The following GABRG3 variants were observed in gnomAD, a reference collection of about 807,000 sequenced individuals.
GABRG3 encodes gamma-aminobutyric acid receptor subunit gamma-3.
A neutral mutation model predicts 48.8 loss-of-function variants in GABRG3; 25 were observed. That is an observed-to-expected ratio of 0.51 (90% confidence interval 0.37 to 0.72). The LOEUF (loss-of-function observed/expected upper bound fraction) is 0.72, where lower values mean the gene tolerates loss of function less well. Among genes scored for constraint, GABRG3 ranks in the 30% least tolerant of loss-of-function variants. GABRG3 has a pLI of 0.00. For missense variants in GABRG3, 394 were observed against 577.9 expected, an observed-to-expected ratio of 0.68 and a Z score of 3.26; for synonymous variants, 227 against 217.6, an observed-to-expected ratio of 1.04 and a Z score of -0.38.
intron 5 of GABRG3, among the ~76,000 whole-genome samples, chr15:27,395,431 A>C (rs1304655902): frequency 1.3e-5 from 2 of 152,216 alleles, no homozygotes; most frequent in Non-Finnish European, 2.9e-5. Flanking sequence ...ATAATATCTA[A>C]AACAATTTTG....
intron 5 of GABRG3, among the ~76,000 whole-genome samples, chr15:27,334,289 C>T (rs1595684391): frequency 6.6e-6 from 1 of 151,638 alleles, no homozygotes; most frequent in South Asian, 2.1e-4. Context: ...CACACACATA[C>T]ACACACAGGC....
chr15:27,133,574 A>G (rs1381507390), intron 3 of GABRG3, among the ~76,000 whole-genome samples: 1 of 152,152 alleles, frequency 6.6e-6, no homozygotes, highest in African/African-American at 2.4e-5. Context: ...TCCTACTGAC[A>G]TGTTTTTATA....
intron 3 of GABRG3, among the ~76,000 whole-genome samples, chr15:27,206,689 G>A (rs374874675): frequency 1.3e-5 from 2 of 152,156 alleles, no homozygotes; most frequent in African/African-American, 4.8e-5. Context: ...TTATCTAAGT[G>A]ATTTTATTAG....
chr15:27,330,377 G>C (rs1404066334), intron 5 of GABRG3, among the ~76,000 whole-genome samples: 1 of 152,176 alleles, frequency 6.6e-6, no homozygotes, highest in Non-Finnish European at 1.5e-5. Context: ...TGTAAAATAT[G>C]TTCATCGCTT....
intron 3 of GABRG3, among the ~76,000 whole-genome samples, chr15:27,307,937 A>T (rs1051984829): frequency 7.2e-6 from 1 of 137,966 alleles, no homozygotes; most frequent in African/African-American, 2.6e-5. Context: ...ATGCTTGTAT[A>T]TAAACATATA....
intron 1 of GABRG3, among the ~76,000 whole-genome samples, chr15:26,972,680 G>A (rs989036585): frequency 6.6e-6 from 1 of 152,138 alleles, no homozygotes; most frequent in Non-Finnish European, 1.5e-5. Context: ...AGGAGGCCTT[G>A]CCTTTTCATT....
At chr15:27,235,662 G>A (rs573538479) in intron 3 of GABRG3, among the ~76,000 whole-genome samples, 1 of 152,236 alleles carries the variant, frequency 6.6e-6, no homozygotes, top group South Asian at 2.1e-4. Flanking sequence ...ACAAACAGAA[G>A]TTTATTGACA....
rs181548608 is a variant in GABRG3 at position 27,020,480 on chromosome 15, C to A, written c.203-6274C>A. On this transcript the variant is annotated intron_variant, in intron 2 of 9. Coordinates refer to ENST00000615808, the MANE Select transcript of GABRG3 (RefSeq NM_033223.5). ...AGGCTGGAGTGCAGTGGCGCTATCT[C>A]GGCTCACTGCAAGCTCCGCCTCCTG... Among the ~76,000 whole-genome samples, 325 of 152,298 alleles carry A rather than the reference C, an allele frequency of 2.1e-3. 2 individuals carry two copies. The highest frequency in any genetic ancestry group is 7.3e-3 in the African/African-American group (303 of 41,570).
intron 3 of GABRG3, among the ~76,000 whole-genome samples, chr15:27,056,353 C>CAAAAAAAAAAAAA (rs58665097): frequency 1.1e-4 from 6 of 57,064 alleles, no homozygotes; most frequent in Admixed American, 3.7e-4. Flanking sequence ...ACCCTGTCTC[C>CAAAAAAAAAAAAA]AAAAAAAAAA....
intron 3 of GABRG3, among the ~76,000 whole-genome samples, chr15:27,285,394 A>G (rs1308315851): frequency 6.6e-6 from 1 of 151,970 alleles, no homozygotes; most frequent in Non-Finnish European, 1.5e-5. Context: ...ACCGAGAGAG[A>G]GGAAAAGTCA....
rs564328097 is a variant in GABRG3 at position 27,308,587 on chromosome 15, T to C, written c.271-18222T>C. ...TATATAAACATAATGTAAACATACA[T>C]TTATATATAAACATAATGTAAACAT... On this transcript the variant is annotated intron_variant, in intron 3 of 9. Coordinates refer to ENST00000615808, the MANE Select transcript of GABRG3 (RefSeq NM_033223.5). Among the ~76,000 whole-genome samples the C allele has an allele frequency of 9.9e-3, 1,438 of 145,954 alleles. 19 individuals carry two copies. The highest frequency in any genetic ancestry group is 0.031 in the African/African-American group (1,282 of 40,870).
chr15:27,315,286 T>G (rs144107668), intron 3 of GABRG3, among the ~76,000 whole-genome samples: 1 of 152,340 alleles, frequency 6.6e-6, no homozygotes, highest in African/African-American at 2.4e-5. Flanking sequence ...TTGTGCTGAG[T>G]GCTTACTTTA....
rs1566773256 is a variant in GABRG3, at chr15:27,308,167, TATGTTTATATATCCAAACATATATAAAC to T, written c.271-18583_271-18556del. 1.9e-4 allele frequency among the ~76,000 whole-genome samples: 4 copies of T among 21,286 alleles called. 1 individual carries two copies. The highest frequency in any genetic ancestry group is 3.6e-4 in the Non-Finnish European group (4 of 11,164). 14.0% of individuals were successfully genotyped at this position (21,286 alleles called of 152,430 possible). ...ATACATCCAAACATATATAAACATA[TATGTTTATATATCCAAACATATATAAAC>T]ATGTTTATATATCCAAACATATATA... On this transcript the variant is annotated intron_variant, in intron 3 of 9. Transcript: ENST00000615808.
chr15:26,983,757 G>C (rs1311800101), intron 2 of GABRG3, among the ~76,000 whole-genome samples: 1 of 152,148 alleles, frequency 6.6e-6, no homozygotes, highest in Admixed American at 6.5e-5. Flanking sequence ...CTGGTAGATG[G>C]TGCAAGAACC....
In GABRG3 at chr15:27,536,855, A is replaced by G. The variant is rs1243044565; in HGVS notation, c.*3974A>G. 1 of 152,188 alleles carries G rather than the reference A, an allele frequency of 6.6e-6. No individual in the cohort carries two copies. The highest frequency in any genetic ancestry group is 1.9e-4 in the East Asian group (1 of 5,200). The allele number at this position is 152,188 out of a possible 1,614,324, so 9.4% of individuals were successfully genotyped here. On this transcript the variant is annotated 3_prime_UTR_variant, in exon 10 of 10. Transcript: ENST00000615808. The stretch of plus-strand genomic sequence containing the variant: ...TGACTAGGAAGCAATGAGCCACTCT[A>G]TCTAAAGGGCTAGAACACAAAACAG...
chr15:27,145,364 T>C (rs1018633390), intron 3 of GABRG3, among the ~76,000 whole-genome samples: 1 of 151,720 alleles, frequency 6.6e-6, no homozygotes, highest in Non-Finnish European at 1.5e-5. Flanking sequence ...TAAAAATGAA[T>C]CAAAATAAAA....
chr15:27,286,636 G>A (rs931655096), intron 3 of GABRG3, among the ~76,000 whole-genome samples: 4 of 152,094 alleles, frequency 2.6e-5, no homozygotes, highest in East Asian at 1.9e-4. Context: ...ATAGTGTTTG[G>A]GAAAATGGAC....
intron 3 of GABRG3, among the ~76,000 whole-genome samples, chr15:27,103,662 T>C (rs1897398872): frequency 6.6e-6 from 1 of 152,194 alleles, no homozygotes. Context: ...GTAACAAGCA[T>C]ACAATACAAC....
intron 3 of GABRG3, among the ~76,000 whole-genome samples, chr15:27,087,339 C>T (rs566046433): frequency 8.5e-5 from 13 of 152,304 alleles, no homozygotes; most frequent in African/African-American, 2.4e-4. Context: ...GTCCACAGTT[C>T]GTGTTCTTCT....
Sources: allele counts gnomAD v4.1 joint callset (sites outside exome capture counted in the v4.1 genomes callset), GRCh38; gene constraint gnomAD v4.1.1; transcripts MANE v1.5; gene names NCBI Gene and HGNC (gene_info 2026-07-23, HGNC 2026-07-21).